The following FRMD3 variants were observed in gnomAD, a reference collection of about 807,000 sequenced individuals.
FRMD3 encodes the protein FERM domain-containing protein 3.
FRMD3 carries 33 observed loss-of-function variants against 70.2 expected under a neutral mutation model. The observed-to-expected ratio is 0.47, with a 90% CI of 0.36 to 0.63. The LOEUF is 0.63. Among genes scored for constraint, FRMD3 ranks in the 20% least tolerant of loss-of-function variants. The pLI, the probability that FRMD3 is intolerant of heterozygous loss-of-function variation, is 0.00. For missense variants in FRMD3, 632 were observed against 711.4 expected (o/e 0.89, Z 1.27); for synonymous variants, 279 against 255.9 (o/e 1.09, Z -0.86).
intron 1 of FRMD3, among the ~76,000 whole-genome samples, chr9:83,475,602 A>G (rs1455654902): frequency 6.6e-6 from 1 of 152,200 alleles, no homozygotes; most frequent in African/African-American, 2.4e-5. Flanking sequence ...ACAGTTTATT[A>G]ATACATTTTC....
upstream of FRMD3, among the ~76,000 whole-genome samples, chr9:83,540,128 C>T (rs766545692): frequency 6.6e-6 from 1 of 152,194 alleles, no homozygotes; most frequent in Non-Finnish European, 1.5e-5. Context: ...GGACATCTTA[C>T]AGCTGTAATC....
chr9:83,346,787 G>A (rs913483057), intron 4 of FRMD3, among the ~76,000 whole-genome samples: 6 of 152,148 alleles, frequency 3.9e-5, no homozygotes, highest in Non-Finnish European at 5.9e-5. Context: ...CCCAACTGCC[G>A]GAGGTTTCTG....
intron 10 of FRMD3, among the ~76,000 whole-genome samples, chr9:83,305,817 A>G (rs754336068): frequency 1.3e-5 from 2 of 152,240 alleles, no homozygotes; most frequent in African/African-American, 2.4e-5. Flanking sequence ...CAAAGTGCCA[A>G]TGCAAAGACT....
At chr9:83,515,314 C>T (rs571699712) in intron 1 of FRMD3, among the ~76,000 whole-genome samples, 2 of 152,076 alleles carry the variant, frequency 1.3e-5, no homozygotes, top group East Asian at 1.9e-4. Context: ...ACGAAAGCTT[C>T]GTGAAGCATA....
In FRMD3 at chr9:83,245,784, C is replaced by T. The variant is rs982236936; in HGVS notation, c.*2134G>A. 6 of 984,816 alleles carry T rather than the reference C, an allele frequency of 6.1e-6. No individual in the cohort carries two copies. The highest frequency in any genetic ancestry group is 5.2e-5 in the African/African-American group (3 of 57,268). 61.0% of individuals were successfully genotyped at this position (984,816 alleles called of 1,614,324 possible). ...TTTTGTGCAGACTACACTAAAGTTG[C>T]CTTATGTCAGAAAGGATGACTTAGA... On this transcript the variant is annotated 3_prime_UTR_variant, in exon 14 of 14. Transcript: ENST00000304195.
Position 83,247,131 on chromosome 9 carries a change from A to C in FRMD3, c.*787T>G. 1 of 985,440 alleles carries C rather than the reference A, an allele frequency of 1.0e-6. No individual in the cohort carries two copies. The highest frequency in any genetic ancestry group is 1.2e-6 in the Non-Finnish European group (1 of 829,926). The allele number at this position is 985,440 out of a possible 1,614,324, so 61.0% of individuals were successfully genotyped here. A position where few individuals can be genotyped will look rare whatever the true frequency, so the allele number is the denominator to read the frequency against. On this transcript the variant is annotated 3_prime_UTR_variant, in exon 14 of 14. Coordinates refer to ENST00000304195, the MANE Select transcript of FRMD3 (RefSeq NM_174938.6). ...TCCTCTTGTCCAAATACTTTGAAAA[A>C]TGGACCACCCTGAGTCCACTTGATG...
Position 83,349,752 on chromosome 9 carries a change from G to A in FRMD3, c.301C>T (p.Pro101Ser). 1 of 1,608,912 alleles carries A rather than the reference G, an allele frequency of 6.2e-7. No homozygotes were observed. The highest frequency in any genetic ancestry group is 8.5e-7 in the Non-Finnish European group (1 of 1,176,216). Reference protein sequence around the residue: ...KSIFKQMKTHPPYTMCFRVKF... With the variant: ...KSIFKQMKTHSPYTMCFRVKF... ...ACTCTAAAGCACATGGTGTATGGTG[G>A]ATGAGCTGAAACATCATAAAGAAAA... is the stretch of plus-strand genomic sequence containing the variant. Residue 101 changes from proline to serine, a missense_variant, in exon 4 of 14, where the codon CCA becomes TCA. This residue lies in a region of FRMD3 where 208 missense variants were observed against 247.7 expected (regional missense o/e 0.84). Transcript: ENST00000304195.
intron 3 of FRMD3, among the ~76,000 whole-genome samples, chr9:83,370,094 A>G (rs1824921614): frequency 6.6e-6 from 1 of 152,210 alleles, no homozygotes. Flanking sequence ...AAGGCCTATC[A>G]TCCTCTGTGA....
intron 1 of FRMD3, among the ~76,000 whole-genome samples, chr9:83,416,749 C>G (rs977944723): frequency 2.6e-4 from 25 of 96,118 alleles, no homozygotes; most frequent in African/African-American, 1.1e-3. Context: ...CTCTCTGTCT[C>G]TCTCTCTCTC....
At chr9:83,448,576 G>A (rs187770192) in intron 1 of FRMD3, among the ~76,000 whole-genome samples, 1 of 152,176 alleles carries the variant, frequency 6.6e-6, no homozygotes. Context: ...CACCAGCTCG[G>A]TTTCCAAAGC....
intron 12 of FRMD3, among the ~76,000 whole-genome samples, chr9:83,297,065 C>G (rs748142796): frequency 6.6e-6 from 1 of 152,180 alleles, no homozygotes; most frequent in Non-Finnish European, 1.5e-5. Context: ...CCAAAATTTA[C>G]AAGAGAAGCA....
chr9:83,340,030 ATTCTGAGT>A (rs1270732893), intron 5 of FRMD3, among the ~76,000 whole-genome samples: 3 of 152,200 alleles, frequency 2.0e-5, no homozygotes, highest in Non-Finnish European at 4.4e-5. Context: ...GCTTCAGTAT[ATTCTGAGT>A]TTATTAAAAA....
chr9:83,567,116 G>A, the FRMD3 span, among the ~76,000 whole-genome samples: 1 of 152,178 alleles, frequency 6.6e-6, no homozygotes, highest in Non-Finnish European at 1.5e-5. Context: ...TGAAATCTAG[G>A]CAGAGGTTCC....
chr9:83,537,012 T>G lies in FRMD3; in HGVS notation c.147+1073A>C, dbSNP rs1829910033. ...TAGGTGAGAAAGGAAATCCCAGAGA[T>G]AAACAGTTAAATAGATTTAGAAGTC... On this transcript the variant is annotated intron_variant, in intron 1 of 13. Coordinates refer to ENST00000304195, the MANE Select transcript of FRMD3 (RefSeq NM_174938.6). This position sits in a 1 kb window ranked among gnomAD's most constrained non-coding sequence, Gnocchi z 4.1. Among the ~76,000 whole-genome samples, 1 of 144,256 alleles carries G rather than the reference T, an allele frequency of 6.9e-6. No homozygotes were observed. Among genetic ancestry groups the G allele is most frequent in the Non-Finnish European group, 1.5e-5 (1 of 66,684 alleles). 94.6% of individuals were successfully genotyped at this position (144,256 alleles called of 152,430 possible).
At chr9:83,366,416 CA>C (rs1323091983) in intron 3 of FRMD3, among the ~76,000 whole-genome samples, 3 of 151,962 alleles carry the variant, frequency 2.0e-5, no homozygotes, top group African/African-American at 7.3e-5. Context: ...ACTAAAAATA[CA>C]AAAAAGTTAT....
chr9:83,288,475 T>C (rs1834299557), intron 13 of FRMD3, among the ~76,000 whole-genome samples: 1 of 152,230 alleles, frequency 6.6e-6, no homozygotes, highest in African/African-American at 2.4e-5. Flanking sequence ...ATCATGAAAG[T>C]TGTCATGACT....
the FRMD3 span, among the ~76,000 whole-genome samples, chr9:83,584,151 T>C: frequency 6.6e-6 from 1 of 152,084 alleles, no homozygotes; most frequent in South Asian, 2.1e-4. Flanking sequence ...TTGGCCAACA[T>C]GGTGAAACCC....
At chr9:83,301,547 T>G in intron 10 of FRMD3, among the ~76,000 whole-genome samples, 1 of 150,178 alleles carries the variant, frequency 6.7e-6, no homozygotes, top group Non-Finnish European at 1.5e-5. Flanking sequence ...AAGATTGAGT[T>G]TCTTAATTGG....
chr9:83,372,031 G>A (rs576069376), intron 3 of FRMD3, among the ~76,000 whole-genome samples: 44 of 152,290 alleles, frequency 2.9e-4, no homozygotes, highest in South Asian at 1.7e-3. Flanking sequence ...CTTGAATGAC[G>A]ACAAGTGACA....
Sources: allele counts gnomAD v4.1 joint callset (sites outside exome capture counted in the v4.1 genomes callset), GRCh38; gene constraint gnomAD v4.1.1; regional missense constraint gnomAD v4.1.1; non-coding constraint Gnocchi (gnomAD v3.1); transcripts MANE v1.5; gene names NCBI Gene and HGNC (gene_info 2026-07-23, HGNC 2026-07-21).